The following CDK13 variants were observed in gnomAD, a reference collection of about 807,000 sequenced individuals.
CDK13 encodes cyclin dependent kinase 13, also known as cyclin-dependent kinase 13.
CDK13 carries 40 observed loss-of-function variants against 137.6 expected under a neutral mutation model. The ratio of observed to expected loss-of-function variants is 0.29; its 90% CI spans 0.23 to 0.38. CDK13 has a LOEUF of 0.38. Among genes scored for constraint, CDK13 ranks in the 10% least tolerant of loss-of-function variants. The probability of loss-of-function intolerance (pLI) is 1.00; values close to 1 mark genes in which losing one functional copy is unlikely to be tolerated. For synonymous variants in CDK13, 869 were observed against 760.1 expected (o/e 1.14, Z -2.36); for missense variants, 1,704 against 1,951.8 (o/e 0.87, Z 2.39).
chr7:40,051,695 G>A (rs1785892514), intron 7 of CDK13, among the ~76,000 whole-genome samples: 1 of 152,182 alleles, frequency 6.6e-6, no homozygotes, highest in Admixed American at 6.5e-5. Context: ...ATTAGATTTT[G>A]GATGTTCCTT....
At chr7:40,004,857 A>C (rs1037945781) in intron 5 of CDK13, among the ~76,000 whole-genome samples, 2 of 152,240 alleles carry the variant, frequency 1.3e-5, no homozygotes, top group Non-Finnish European at 1.5e-5. Flanking sequence ...TAACTAAGCT[A>C]TTAGTTGTGT....
In CDK13 at chr7:39,950,523, G is replaced by A. The variant is rs1477147959; in HGVS notation, c.-119G>A. The A allele has an allele frequency of 1.6e-6, 2 of 1,266,166 alleles. No homozygotes were observed. The highest frequency in any genetic ancestry group is 2.8e-5 in the South Asian group (1 of 35,640). The allele number at this position is 1,266,166 out of a possible 1,614,324, so 78.4% of individuals were successfully genotyped here. On this transcript the variant is annotated 5_prime_UTR_variant, in exon 1 of 14. Coordinates refer to ENST00000181839, the MANE Select transcript of CDK13 (RefSeq NM_003718.5). Reference sequence around the variant, plus strand: ...CCGGATTATCGTGGCGCTTTTCCCGGCCGGCTCTGGTGCTCGGTGTCCCTC... The same window carrying A: ...CCGGATTATCGTGGCGCTTTTCCCGACCGGCTCTGGTGCTCGGTGTCCCTC...
At position 39,990,385 on chromosome 7, in the gene CDK13, C is replaced by T. The variant is rs567659091; in HGVS notation, c.1871+2127C>T. Among the ~76,000 whole-genome samples the T allele has an allele frequency of 3.9e-5, 6 of 152,254 alleles. No individual in the cohort carries two copies. In the East Asian group the frequency reaches 1.2e-3, roughly 29 times the overall value. On this transcript the variant is annotated intron_variant, in intron 2 of 13. Coordinates refer to ENST00000181839, the MANE Select transcript of CDK13 (RefSeq NM_003718.5). ...ACATGTCTGTGTGGCCAAAGATTAA[C>T]TCATCACCAATGGAACTTTCCTTAT...
intron 12 of CDK13, among the ~76,000 whole-genome samples, chr7:40,089,721 A>AGT (rs1302558699): frequency 1.7e-3 from 218 of 126,800 alleles, no homozygotes; most frequent in African/African-American, 2.1e-3. Context: ...AGAGAGAGAG[A>AGT]GAGTGTGTGT....
chr7:39,950,284 A>T lies in CDK13; in HGVS notation c.-358A>T. On this transcript the variant is annotated 5_prime_UTR_variant, in exon 1 of 14. Transcript: ENST00000181839. ...TCCGCGTTGCGCTGCCCGAGCCGAG[A>T]GCGCGGCCAAGGCCGCTCCCCCACC... is the stretch of plus-strand genomic sequence containing the variant. 9.4e-7 allele frequency: 1 copy of T among 1,068,270 alleles called. No individual in the cohort carries two copies. Among genetic ancestry groups the T allele is most frequent in the Middle Eastern group, 4.2e-4 (1 of 2,404 alleles). 66.2% of individuals were successfully genotyped at this position (1,068,270 alleles called of 1,614,324 possible). A position where few individuals can be genotyped will look rare whatever the true frequency, so the allele number is the denominator to read the frequency against.
At chr7:40,021,112 TATATATATATAC>T (rs1420091379) in intron 5 of CDK13, among the ~76,000 whole-genome samples, 2 of 88,330 alleles carry the variant, frequency 2.3e-5, no homozygotes, top group African/African-American at 9.7e-5. Flanking sequence ...CGTATATATA[TATATATATATAC>T]ACACACACAC....
intron 13 of CDK13, among the ~76,000 whole-genome samples, chr7:40,093,789 C>T (rs1292404272): frequency 6.6e-6 from 1 of 151,702 alleles, no homozygotes; most frequent in Non-Finnish European, 1.5e-5. Flanking sequence ...GCCTGTGATT[C>T]CAGCTACTTG....
At position 39,952,380 on chromosome 7, in the gene CDK13, A is replaced by G. The variant is rs17496143; in HGVS notation, c.1211+528A>G. 4.4e-3 allele frequency: 665 copies of G among 152,412 alleles called. 5 individuals carry two copies. Among genetic ancestry groups the G allele is most frequent in the African/African-American group, 0.015 (626 of 41,570 alleles). The allele number at this position is 152,412 out of a possible 1,614,324, so 9.4% of individuals were successfully genotyped here. A position where few individuals can be genotyped will look rare whatever the true frequency, so the allele number is the denominator to read the frequency against. ...GAAATGGGAGAAGCAGCCTTTCTGT[A>G]AAGTTTATTCTTTTAGTATGTTAAA... On this transcript the variant is annotated intron_variant, in intron 1 of 13. Transcript: ENST00000181839.
intron 1 of CDK13, among the ~76,000 whole-genome samples, chr7:39,960,482 C>T (rs1443848891): frequency 6.6e-6 from 1 of 152,140 alleles, no homozygotes; most frequent in Admixed American, 6.6e-5. Context: ...TGGTCTTAAT[C>T]TCCTGACCTC....
At chr7:40,058,876 T>A (rs17171649) in intron 7 of CDK13, among the ~76,000 whole-genome samples, 21,600 of 152,078 alleles carry the variant, frequency 0.14, 5,081 homozygotes, top group African/African-American at 0.49. Flanking sequence ...GCATTTTGTG[T>A]ATATGATGAA....
intron 5 of CDK13, among the ~76,000 whole-genome samples, chr7:40,026,757 A>G (rs1394451657): frequency 6.6e-6 from 1 of 152,174 alleles, no homozygotes; most frequent in Non-Finnish European, 1.5e-5. Flanking sequence ...TCCAGCCTTC[A>G]TTTTAAAATG....
chr7:40,011,941 A>G (rs1173224127), intron 5 of CDK13, among the ~76,000 whole-genome samples: 1 of 152,196 alleles, frequency 6.6e-6, no homozygotes, highest in East Asian at 1.9e-4. Context: ...AATAATGAAA[A>G]AAGACAACGT....
At chr7:40,078,644 A>C in intron 10 of CDK13, 76 bp from the exon 11 acceptor site, 1 of 883,352 alleles carries the variant, frequency 1.1e-6, no homozygotes, top group Non-Finnish European at 1.5e-6. Flanking sequence ...TTTAATTAAA[A>C]ATAATTTAAG....
At chr7:40,003,544 G>A (rs1784738352) in intron 5 of CDK13, among the ~76,000 whole-genome samples, 1 of 152,112 alleles carries the variant, frequency 6.6e-6, no homozygotes, top group Admixed American at 6.5e-5. Context: ...TAGCCCTTTT[G>A]AGTCTGTTAT....
chr7:39,968,402 C>T (rs1301608792), intron 1 of CDK13, among the ~76,000 whole-genome samples: 1 of 152,086 alleles, frequency 6.6e-6, no homozygotes, highest in Non-Finnish European at 1.5e-5. Flanking sequence ...TCCAGTTTTC[C>T]CACCCCTGTT....
At chr7:40,042,982 G>A (rs977024859) in intron 5 of CDK13, among the ~76,000 whole-genome samples, 6 of 151,624 alleles carry the variant, frequency 4.0e-5, no homozygotes, top group African/African-American at 9.7e-5. Context: ...TCTCCATGTC[G>A]CCCCAGGCTA....
chr7:39,956,293 A>T (rs1787406180), intron 1 of CDK13, among the ~76,000 whole-genome samples: 1 of 152,202 alleles, frequency 6.6e-6, no homozygotes, highest in African/African-American at 2.4e-5. Context: ...AGCTGTAATC[A>T]TTATTTTCAT....
chr7:39,952,947 G>T (rs1321690576), intron 1 of CDK13: 1 of 152,122 alleles, frequency 6.6e-6, no homozygotes, highest in Non-Finnish European at 1.5e-5. Context: ...TCCTTGAGAT[G>T]TTTGGACATT....
At chr7:40,051,160 T>C (rs940536792) in intron 7 of CDK13, among the ~76,000 whole-genome samples, 5 of 152,128 alleles carry the variant, frequency 3.3e-5, no homozygotes, top group Non-Finnish European at 7.3e-5. Context: ...ATACTGAATT[T>C]TTCTGCTCAG....
Sources: allele counts gnomAD v4.1 joint callset (sites outside exome capture counted in the v4.1 genomes callset), GRCh38; gene constraint gnomAD v4.1.1; transcripts MANE v1.5; gene names NCBI Gene and HGNC (gene_info 2026-07-23, HGNC 2026-07-21).